Variants in GSK3B observed in about 807,000 individuals in gnomAD.
The protein encoded by GSK3B is glycogen synthase kinase-3 beta.
A neutral mutation model predicts 56.4 loss-of-function variants in GSK3B; 15 were observed. That is an observed-to-expected ratio of 0.27 (90% confidence interval 0.18 to 0.41). The LOEUF (loss-of-function observed/expected upper bound fraction) is 0.41. GSK3B is among the 10% of genes least tolerant of loss of function. The probability of loss-of-function intolerance (pLI) is 1.00; values close to 1 mark genes in which losing one functional copy is unlikely to be tolerated. For synonymous variants in GSK3B, 181 were observed against 188.9 expected (o/e 0.96, Z 0.34); for missense variants, 300 against 513.4 (o/e 0.58, Z 4.02).
chr3:120,003,176 C>T (rs2057695220), intron 1 of GSK3B, among the ~76,000 whole-genome samples: 1 of 152,300 alleles, frequency 6.6e-6, no homozygotes, highest in African/African-American at 2.4e-5. Flanking sequence ...ATATCACTGG[C>T]TCCAGGGTCT....
At chr3:119,946,476 A>C (rs761939912) in intron 3 of GSK3B, among the ~76,000 whole-genome samples, 2 of 152,196 alleles carry the variant, frequency 1.3e-5, no homozygotes, top group Admixed American at 6.5e-5. Flanking sequence ...CTGAAGTCCA[A>C]AATACCAACT....
At chr3:119,921,397 G>A (rs1250875401) in intron 4 of GSK3B, among the ~76,000 whole-genome samples, 1 of 152,100 alleles carries the variant, frequency 6.6e-6, no homozygotes, top group East Asian at 1.9e-4. Context: ...ATCATCAATG[G>A]CTACTAACGT....
intron 7 of GSK3B, among the ~76,000 whole-genome samples, chr3:119,899,800 A>C (rs1039000292): frequency 2.7e-4 from 41 of 152,210 alleles, no homozygotes; most frequent in Admixed American, 7.9e-4. Flanking sequence ...GCAAAAAATA[A>C]AAATTCTCTC....
rs2058258712 is a variant in GSK3B, at chr3:120,063,961, T to C, written c.88+29386A>G. Among the ~76,000 whole-genome samples, 2 of 152,050 alleles carry C rather than the reference T, an allele frequency of 1.3e-5. 1 individual carries two copies. Among genetic ancestry groups the C allele is most frequent in the South Asian group, 4.1e-4 (2 of 4,828 alleles). On this transcript the variant is annotated intron_variant, in intron 1 of 10. Coordinates refer to ENST00000264235, the MANE Select transcript of GSK3B (RefSeq NM_001146156.2). ...GATATTGTGCCACTGCACTCCAGCC[T>C]GGGCAACAGAGTGAGACTCTGTCTC...
At chr3:120,065,205 G>A (rs2058268928) in intron 1 of GSK3B, among the ~76,000 whole-genome samples, 1 of 152,138 alleles carries the variant, frequency 6.6e-6, no homozygotes, top group Non-Finnish European at 1.5e-5. Context: ...GAATGGAGAA[G>A]TTATAATATC....
intron 9 of GSK3B, among the ~76,000 whole-genome samples, chr3:119,850,229 G>A (rs2055910548): frequency 6.6e-6 from 1 of 152,234 alleles, no homozygotes; most frequent in South Asian, 2.1e-4. Flanking sequence ...GCGGGTGAGG[G>A]TGGGGTCCAA....
chr3:119,894,114 A>C (rs886947335), intron 7 of GSK3B, among the ~76,000 whole-genome samples: 7 of 152,110 alleles, frequency 4.6e-5, no homozygotes, highest in Non-Finnish European at 8.8e-5. Flanking sequence ...ATTTAATATA[A>C]ATAGAATGGA....
At chr3:120,090,979 G>C (rs966357133) in intron 1 of GSK3B, among the ~76,000 whole-genome samples, 1 of 151,940 alleles carries the variant, frequency 6.6e-6, no homozygotes, top group Non-Finnish European at 1.5e-5. Flanking sequence ...CTTCCACCTA[G>C]ACCTTTCATG....
At chr3:120,046,508 AAAGT>A (rs1368987993) in intron 1 of GSK3B, among the ~76,000 whole-genome samples, 3 of 152,220 alleles carry the variant, frequency 2.0e-5, no homozygotes, top group Non-Finnish European at 4.4e-5. Context: ...CTTTTCTTAA[AAAGT>A]AAGAAAGAAA....
At chr3:119,896,427 A>C (rs1346564486) in intron 7 of GSK3B, among the ~76,000 whole-genome samples, 1 of 152,090 alleles carries the variant, frequency 6.6e-6, no homozygotes, top group African/African-American at 2.4e-5. Flanking sequence ...TTAAAAAAAA[A>C]TACATGTAAA....
chr3:120,018,116 G>C (rs1259015337), intron 1 of GSK3B, among the ~76,000 whole-genome samples: 1 of 152,114 alleles, frequency 6.6e-6, no homozygotes, highest in African/African-American at 2.4e-5. Context: ...TAAAAGCACA[G>C]TTAGACCCAT....
chr3:120,015,911 T>G (rs988223859), intron 1 of GSK3B, among the ~76,000 whole-genome samples: 1 of 152,092 alleles, frequency 6.6e-6, no homozygotes, highest in Admixed American at 6.5e-5. Context: ...GCCTTACAAG[T>G]AGTAAAACAG....
At chr3:119,857,448 C>G (rs1398184429) in intron 9 of GSK3B, among the ~76,000 whole-genome samples, 1 of 152,198 alleles carries the variant, frequency 6.6e-6, no homozygotes, top group Non-Finnish European at 1.5e-5. Context: ...GATTCCTTCT[C>G]AAGAAACCAC....
At chr3:120,017,765 C>T (rs2057839103) in intron 1 of GSK3B, among the ~76,000 whole-genome samples, 1 of 152,178 alleles carries the variant, frequency 6.6e-6, no homozygotes. Context: ...ATGAGGGCAA[C>T]ACTTACAGTT....
intron 2 of GSK3B, among the ~76,000 whole-genome samples, chr3:119,981,933 C>T (rs981627509): frequency 6.6e-6 from 1 of 152,248 alleles, no homozygotes; most frequent in Non-Finnish European, 1.5e-5. Flanking sequence ...TGGGAGATAC[C>T]TCCCAGTAGG....
intron 4 of GSK3B, among the ~76,000 whole-genome samples, chr3:119,919,784 C>G (rs1397338255): frequency 6.6e-6 from 1 of 151,850 alleles, no homozygotes; most frequent in Non-Finnish European, 1.5e-5. Context: ...CATTATTGGT[C>G]ACTGGGTGAA....
chr3:120,012,025 A>G (rs1390108615), intron 1 of GSK3B, among the ~76,000 whole-genome samples: 2 of 152,244 alleles, frequency 1.3e-5, no homozygotes, highest in Admixed American at 1.3e-4. Flanking sequence ...ATGTAAAAGG[A>G]TCAGCTCCAG....
intron 3 of GSK3B, among the ~76,000 whole-genome samples, chr3:119,934,081 T>C (rs2056971594): frequency 6.6e-6 from 1 of 152,122 alleles, no homozygotes; most frequent in Non-Finnish European, 1.5e-5. Context: ...TAAATTGAAA[T>C]AATTTGTGTA....
intron 4 of GSK3B, among the ~76,000 whole-genome samples, chr3:119,917,395 C>T (rs1205406529): frequency 3.3e-5 from 5 of 152,066 alleles, no homozygotes; most frequent in African/African-American, 4.8e-5. Flanking sequence ...ATAAGGTCAG[C>T]ATTTTGCCAA....
Sources: allele counts gnomAD v4.1 joint callset (sites outside exome capture counted in the v4.1 genomes callset), GRCh38; gene constraint gnomAD v4.1.1; transcripts MANE v1.5; gene names NCBI Gene and HGNC (gene_info 2026-07-23, HGNC 2026-07-21).